The following TRHR variants were observed in gnomAD, a reference collection of about 807,000 sequenced individuals.
The protein encoded by TRHR is thyrotropin-releasing hormone receptor.
TRHR carries 14 observed loss-of-function variants against 28.0 expected under a neutral mutation model. The ratio of observed to expected loss-of-function variants is 0.50; its 90% CI spans 0.33 to 0.78. The LOEUF is 0.78. Ranked by LOEUF, TRHR falls within the 30% of genes least tolerant of loss-of-function variation. The probability of loss-of-function intolerance (pLI) is 0.02; values close to 1 mark genes in which losing one functional copy is unlikely to be tolerated. For missense variants in TRHR, 438 were observed against 469.5 expected (o/e 0.93, Z 0.62); for synonymous variants, 176 against 171.9 (o/e 1.02, Z -0.18).
intron 2 of TRHR, among the ~76,000 whole-genome samples, chr8:109,102,148 G>A (rs552402674): frequency 1.3e-5 from 2 of 152,258 alleles, no homozygotes; most frequent in South Asian, 4.2e-4. Context: ...AAGAGGGTAA[G>A]AATATACTGC....
intron 2 of TRHR, among the ~76,000 whole-genome samples, chr8:109,105,608 G>C (rs886682800): frequency 6.6e-6 from 1 of 152,130 alleles, no homozygotes; most frequent in Non-Finnish European, 1.5e-5. Flanking sequence ...GTTGTGACCT[G>C]TCAGACAGTG....
chr8:109,094,690 C>A (rs1811563350), intron 2 of TRHR, among the ~76,000 whole-genome samples: 1 of 150,404 alleles, frequency 6.6e-6, no homozygotes, highest in Non-Finnish European at 1.5e-5. Flanking sequence ...ATTGTTTATT[C>A]CTAATTTTAT....
chr8:109,096,431 C>T (rs111770218), intron 2 of TRHR, among the ~76,000 whole-genome samples: 26 of 152,298 alleles, frequency 1.7e-4, no homozygotes, highest in Admixed American at 6.5e-4. Flanking sequence ...TCTTGGTCCT[C>T]ATAATTGGTA....
At chr8:109,116,846 T>C (rs1811929847) in intron 2 of TRHR, among the ~76,000 whole-genome samples, 1 of 151,986 alleles carries the variant, frequency 6.6e-6, no homozygotes, top group African/African-American at 2.4e-5. Context: ...TGAAGGAGTT[T>C]ACTATTTATT....
intron 2 of TRHR, among the ~76,000 whole-genome samples, chr8:109,098,395 A>T (rs1811626913): frequency 6.6e-6 from 1 of 151,706 alleles, no homozygotes; most frequent in South Asian, 2.1e-4. Flanking sequence ...CCCTCCCAAA[A>T]TGCTAGGATT....
In TRHR at chr8:109,087,944, G is replaced by T; in HGVS notation, c.432G>T (p.Lys144Asn). Reference protein sequence around the residue: ...QFLCTFSRAKKIIIFVWAFTS... With the variant: ...QFLCTFSRAKNIIIFVWAFTS... ...TCTGCACATTTTCCAGAGCCAAAAA[G>T]ATTATCATCTTTGTCTGGGCTTTCA... Residue 144 changes from lysine to asparagine, a missense_variant, in exon 2 of 3, where the codon AAG becomes AAT. By Grantham distance (94) the Lys-to-Asn change is moderately conservative. Coordinates refer to ENST00000518632, the MANE Select transcript of TRHR (RefSeq NM_003301.7). 2 of 1,614,146 alleles carry T rather than the reference G, an allele frequency of 1.2e-6. No individual in the cohort carries two copies. The highest frequency in any genetic ancestry group is 2.2e-5 in the South Asian group (2 of 91,084).
At chr8:109,104,849 G>A (rs888223492) in intron 2 of TRHR, among the ~76,000 whole-genome samples, 2 of 152,140 alleles carry the variant, frequency 1.3e-5, no homozygotes, top group South Asian at 2.1e-4. Context: ...ACTGGGCACC[G>A]GGGCTCATAC....
At chr8:109,115,817 G>T (rs2129934000) in intron 2 of TRHR, among the ~76,000 whole-genome samples, 1 of 152,080 alleles carries the variant, frequency 6.6e-6, no homozygotes, top group South Asian at 2.1e-4. Context: ...CTGCCTGATT[G>T]CCCTGGCCAG....
rs1354022877 is a variant in TRHR, at chr8:109,121,225, T to A, written c.*1770T>A. On this transcript the variant is annotated 3_prime_UTR_variant, in exon 3 of 3. Transcript: ENST00000518632. ...ATGACAGTAAGCAATCTATGTTAAC[T>A]GACTTTTCATTCTGGTATAAATATT... 6.6e-6 allele frequency among the ~76,000 whole-genome samples: 1 copy of A among 151,680 alleles called. No homozygotes were observed. Among genetic ancestry groups the A allele is most frequent in the Non-Finnish European group, 1.5e-5 (1 of 67,794 alleles).
At chr8:109,110,480 T>C (rs940224972) in intron 2 of TRHR, among the ~76,000 whole-genome samples, 3 of 152,186 alleles carry the variant, frequency 2.0e-5, no homozygotes, top group Admixed American at 6.6e-5. Flanking sequence ...AAAGTTTCTC[T>C]ATTGTGAATC....
At chr8:109,092,326 G>C (rs1264570930) in intron 2 of TRHR, among the ~76,000 whole-genome samples, 1 of 151,802 alleles carries the variant, frequency 6.6e-6, no homozygotes, top group Non-Finnish European at 1.5e-5. Context: ...AAAAATATCG[G>C]TCTTTGTTTC....
intron 2 of TRHR, among the ~76,000 whole-genome samples, chr8:109,109,190 ACCT>A (rs964194149): frequency 6.6e-6 from 1 of 151,892 alleles, no homozygotes; most frequent in African/African-American, 2.4e-5. Flanking sequence ...CCCACATACG[ACCT>A]CCACCAATTC....
chr8:109,111,298 TATC>T (rs749100020), intron 2 of TRHR, among the ~76,000 whole-genome samples: 93 of 152,342 alleles, frequency 6.1e-4, no homozygotes, highest in Non-Finnish European at 1.1e-3. Flanking sequence ...TTTGTTTAAT[TATC>T]ATGTTAAGTT....
In TRHR at chr8:109,087,991, G is replaced by C; in HGVS notation, c.479G>C (p.Trp160Ser). Reference protein sequence around the residue: ...WAFTSLYCMLWFFLLDLNIST... With the variant: ...WAFTSLYCMLSFFLLDLNIST... Reference sequence around the variant, plus strand: ...TTCACATCTCTTTACTGTATGCTCTGGTTCTTCTTGCTGGATCTCAATATT... The same window carrying C: ...TTCACATCTCTTTACTGTATGCTCTCGTTCTTCTTGCTGGATCTCAATATT... The change falls in exon 2 of 3, where the codon TGG becomes TCG. Residue 160 changes from tryptophan (W) to serine (S), a missense_variant. Physicochemically the swap from Trp to Ser is radical, Grantham distance 177. Coordinates refer to ENST00000518632, the MANE Select transcript of TRHR (RefSeq NM_003301.7). 3 of 1,613,986 alleles carry C rather than the reference G, an allele frequency of 1.9e-6. No individual in the cohort carries two copies. Among genetic ancestry groups the C allele is most frequent in the Non-Finnish European group, 2.5e-6 (3 of 1,180,032 alleles).
At chr8:109,110,820 C>T (rs4236801) in intron 2 of TRHR, among the ~76,000 whole-genome samples, 40,042 of 152,084 alleles carry the variant, frequency 0.26, 5,761 homozygotes, top group East Asian at 0.47. Flanking sequence ...GATCTCACTC[C>T]ATGATATGAA....
intron 2 of TRHR, among the ~76,000 whole-genome samples, chr8:109,107,744 G>A (rs1035122782): frequency 6.6e-6 from 1 of 152,130 alleles, no homozygotes; most frequent in African/African-American, 2.4e-5. Context: ...ACAAGATAAA[G>A]AATATAACAG....
At position 109,119,615 on chromosome 8, in the gene TRHR, A is replaced by G. The variant is rs1356146806; in HGVS notation, c.*160A>G. On this transcript the variant is annotated 3_prime_UTR_variant, in exon 3 of 3. Transcript: ENST00000518632. ...GCCCTAGATACTTTAACCCATGAGG[A>G]TGATTCAGACTTTCCTTCTTACAAA... 1.3e-6 allele frequency: 1 copy of G among 783,086 alleles called. No individual in the cohort carries two copies. The highest frequency in any genetic ancestry group is 2.0e-6 in the Non-Finnish European group (1 of 499,080). The allele number at this position is 783,086 out of a possible 1,614,324, so 48.5% of individuals were successfully genotyped here.
chr8:109,100,437 G>T (rs1480496306), intron 2 of TRHR, among the ~76,000 whole-genome samples: 3 of 148,726 alleles, frequency 2.0e-5, no homozygotes, highest in Non-Finnish European at 4.5e-5. Flanking sequence ...ATTAAGCATG[G>T]TTTTTTTTTT....
chr8:109,118,803 T>C (rs1375612875), intron 2 of TRHR, among the ~76,000 whole-genome samples: 1 of 151,880 alleles, frequency 6.6e-6, no homozygotes, highest in Non-Finnish European at 1.5e-5. Flanking sequence ...GAGTTGGCTA[T>C]AGGGGGAGCT....
Sources: gnomAD v4.1 joint callset for allele counts (sites outside exome capture counted in the v4.1 genomes callset) on GRCh38, gnomAD v4.1.1 for gene constraint, MANE v1.5 for transcripts, NCBI Gene and HGNC (gene_info 2026-07-23, HGNC 2026-07-21) for gene names.